Variants in MAST4 observed in about 807,000 individuals in gnomAD.
MAST4 encodes the protein microtubule associated serine/threonine kinase family member 4, also known as microtubule-associated serine/threonine-protein kinase 4.
MAST4 carries 89 observed loss-of-function variants against 162.7 expected under a neutral mutation model. The observed-to-expected ratio is 0.55, with a 90% confidence interval of 0.46 to 0.65. The LOEUF is 0.65. Among genes scored for constraint, MAST4 ranks in the 30% least tolerant of loss-of-function variants. The probability of loss-of-function intolerance (pLI) is 0.00; values close to 1 mark genes in which losing one functional copy is unlikely to be tolerated. For synonymous variants in MAST4, 1,479 were observed against 1,361.1 expected (o/e 1.09, Z -1.91); for missense variants, 3,153 against 3,374.0 (o/e 0.93, Z 1.62).
At position 66,597,148 on chromosome 5, in the gene MAST4, C is replaced by T. The variant is rs1742235138; in HGVS notation, c.363+130C>T. The T allele has an allele frequency of 6.0e-6, 7 of 1,174,030 alleles. No homozygotes were observed. In the South Asian group the frequency reaches 2.2e-4, roughly 37 times the overall value. The allele number at this position is 1,174,030 out of a possible 1,614,324, so 72.7% of individuals were successfully genotyped here. ...ATAGGGAGGGACCCCAAGCGCTCTG[C>T]CCCGAGCACGGGACAACGATAGTTA... On this transcript the variant is annotated intron_variant, in intron 1 of 28. Transcript: ENST00000403625.
At position 67,164,737 on chromosome 5, in the gene MAST4, C is replaced by G. The variant is rs781010244; in HGVS notation, c.5558C>G (p.Thr1853Ser). 1.9e-6 allele frequency: 3 copies of G among 1,613,984 alleles called. No individual in the cohort carries two copies. The South Asian group carries it at 3.3e-5, about 18-fold the overall frequency. ...LPSSSGKKND[T>S]TSARELSPSS... ...AGCAGCAGTGGGAAAAAGAACGATA[C>G]CACCAGTGCAAGAGAGCTTTCTCCT... Residue 1853 changes from threonine (T) to serine (S), a missense_variant, in exon 29 of 29, where the codon ACC becomes AGC. Thr to Ser is a moderately conservative substitution (Grantham distance 58, BLOSUM62 1). Transcript: ENST00000403625. The surrounding 1 kb of genome is among the most constrained non-coding windows in gnomAD (Gnocchi z 5.3).
In MAST4 at chr5:67,130,211, G is replaced by T; in HGVS notation, c.1747G>T (p.Ala583Ser). 1 of 1,610,334 alleles carries T rather than the reference G, an allele frequency of 6.2e-7. No homozygotes were observed. Residue 583 changes from alanine (A) to serine (S), a missense_variant and splice_region_variant, in exon 15 of 29, where the codon GCA (alanine) becomes TCA (serine). Ala to Ser is a moderately conservative substitution (Grantham distance 99, BLOSUM62 1). This residue lies in a region of MAST4 where 360 missense variants were observed against 450.0 expected (regional missense o/e 0.80). Transcript: ENST00000403625. The stretch of plus-strand genomic sequence containing the variant: ...CCCAATACTTCTGCTCCTTTTCAGG[G>T]CAGTCTACTTTGTTCGGCATAAAGA... Reference protein sequence around the residue: ...IKLISNGAYGAVYFVRHKESR... With the variant: ...IKLISNGAYGSVYFVRHKESR...
chr5:67,019,642 T>G (rs991356796), intron 4 of MAST4, among the ~76,000 whole-genome samples: 4 of 152,242 alleles, frequency 2.6e-5, no homozygotes, highest in African/African-American at 9.6e-5. Flanking sequence ...TTTTCAGACA[T>G]AAGTTGTGCA....
At chr5:66,983,552 T>C (rs562483732) in intron 4 of MAST4, among the ~76,000 whole-genome samples, 1 of 152,310 alleles carries the variant, frequency 6.6e-6, no homozygotes, top group Non-Finnish European at 1.5e-5. Context: ...GCCAGTTTCC[T>C]CATCTGTATA....
At chr5:67,095,985 G>A (rs1764420617) in intron 7 of MAST4, among the ~76,000 whole-genome samples, 1 of 151,990 alleles carries the variant, frequency 6.6e-6, no homozygotes, top group African/African-American at 2.4e-5. Flanking sequence ...TAGTTTTATT[G>A]CTTTGGTTCC....
At chr5:66,863,609 CT>C (rs1176005897) in intron 3 of MAST4, among the ~76,000 whole-genome samples, 1 of 152,064 alleles carries the variant, frequency 6.6e-6, no homozygotes, top group Non-Finnish European at 1.5e-5. Flanking sequence ...CTTTCTTCTT[CT>C]TCCTTTTTCC....
At chr5:66,607,994 T>C (rs1399920787) in intron 1 of MAST4, among the ~76,000 whole-genome samples, 3 of 152,162 alleles carry the variant, frequency 2.0e-5, no homozygotes, top group Admixed American at 6.5e-5. Context: ...TTCTGATATG[T>C]ATATATTTTG....
In MAST4 at chr5:66,716,866, T is replaced by C. The variant is rs139330196; in HGVS notation, c.364-42843T>C. Among the ~76,000 whole-genome samples, 314 of 152,312 alleles carry C rather than the reference T, an allele frequency of 2.1e-3. 3 individuals are homozygous for C. The highest frequency in any genetic ancestry group is 7.0e-3 in the African/African-American group (291 of 41,570). On this transcript the variant is annotated intron_variant, in intron 1 of 28. Transcript: ENST00000403625. ...CAGAACTGATGTCACCTTTATCATT[T>C]ATATCTTTCCCTTCTGTTTTGACTG...
At position 66,780,569 on chromosome 5, in the gene MAST4, G is replaced by C. The variant is rs146841534; in HGVS notation, c.518-8101G>C. 3.9e-3 allele frequency among the ~76,000 whole-genome samples: 589 copies of C among 152,284 alleles called. 6 individuals are homozygous for C. Among genetic ancestry groups the C allele is most frequent in the Middle Eastern group, 0.014 (4 of 294 alleles). ...GGACCCAAAGAGTGAGCAGCAGCAA[G>C]ATTTATTGTGAAGAGTGAAAGAACA... On this transcript the variant is annotated intron_variant, in intron 2 of 28. Coordinates refer to ENST00000403625, the MANE Select transcript of MAST4 (RefSeq NM_001164664.2).
chr5:66,917,714 T>G (rs1298795769), intron 4 of MAST4, among the ~76,000 whole-genome samples: 1 of 152,054 alleles, frequency 6.6e-6, no homozygotes, highest in Admixed American at 6.6e-5. Context: ...CATATATATT[T>G]GGAACTATTT....
At chr5:66,610,249 C>T (rs1743203874) in intron 1 of MAST4, among the ~76,000 whole-genome samples, 1 of 152,078 alleles carries the variant, frequency 6.6e-6, no homozygotes, top group Admixed American at 6.5e-5. Context: ...TCCACATTTC[C>T]CCTTTTTATA....
chr5:66,780,991 ATTTC>A (rs1214931561), intron 2 of MAST4, among the ~76,000 whole-genome samples: 4 of 152,114 alleles, frequency 2.6e-5, no homozygotes, highest in Non-Finnish European at 1.5e-5. Context: ...TGACTGGTTT[ATTTC>A]TTTCAGCATG....
intron 1 of MAST4, among the ~76,000 whole-genome samples, chr5:66,618,398 C>T (rs1341667608): frequency 6.6e-6 from 1 of 152,144 alleles, no homozygotes; most frequent in Non-Finnish European, 1.5e-5. Context: ...TCTGATTTTC[C>T]CTGACCTTCT....
chr5:67,087,257 C>G (rs1456159375), intron 5 of MAST4, among the ~76,000 whole-genome samples: 2 of 152,132 alleles, frequency 1.3e-5, no homozygotes, highest in Non-Finnish European at 2.9e-5. Context: ...CTTTTTCACT[C>G]GTTTCTAATC....
intron 4 of MAST4, among the ~76,000 whole-genome samples, chr5:67,005,444 T>C (rs1751909064): frequency 6.6e-6 from 1 of 152,212 alleles, no homozygotes; most frequent in Admixed American, 6.5e-5. Flanking sequence ...CATTGAGGCT[T>C]CTGGTACTTT....
chr5:66,713,214 T>A (rs1425581979), intron 1 of MAST4, among the ~76,000 whole-genome samples: 1 of 152,180 alleles, frequency 6.6e-6, no homozygotes, highest in Admixed American at 6.5e-5. Flanking sequence ...CATATAGAGG[T>A]CAAGATCTTT....
intron 1 of MAST4, among the ~76,000 whole-genome samples, chr5:66,639,313 T>TGTGTGTGTGTGTGTG (rs1554037879): frequency 3.7e-4 from 56 of 151,192 alleles, no homozygotes; most frequent in Middle Eastern, 3.4e-3. Context: ...TGTGTGTGTG[T>TGTGTGTGTGTGTGTG]TTTAAGAAGA....
At chr5:66,748,021 C>G (rs1014525876) in intron 1 of MAST4, among the ~76,000 whole-genome samples, 1 of 152,126 alleles carries the variant, frequency 6.6e-6, no homozygotes, top group African/African-American at 2.4e-5. Flanking sequence ...ACATGCTATG[C>G]TTGTTGGTGA....
At chr5:66,922,149 A>T (rs1004996384) in intron 4 of MAST4, among the ~76,000 whole-genome samples, 3 of 152,166 alleles carry the variant, frequency 2.0e-5, no homozygotes, top group Non-Finnish European at 4.4e-5. Flanking sequence ...CTAAGAGAAG[A>T]TGCAGTTCTT....
Sources: allele counts gnomAD v4.1 joint callset (sites outside exome capture counted in the v4.1 genomes callset), GRCh38; gene constraint gnomAD v4.1.1; regional missense constraint gnomAD v4.1.1; non-coding constraint Gnocchi (gnomAD v3.1); transcripts MANE v1.5; gene names NCBI Gene and HGNC (gene_info 2026-07-23, HGNC 2026-07-21).